AKT3: variants seen among roughly 807,000 people sequenced by gnomAD.
AKT3 encodes RAC-gamma serine/threonine-protein kinase.
A neutral mutation model predicts 65.3 loss-of-function variants in AKT3; 15 were observed. That is an observed-to-expected ratio of 0.23 (90% CI 0.15 to 0.35). The LOEUF is 0.35. Ranked by LOEUF, AKT3 falls within the 10% of genes least tolerant of loss-of-function variation. AKT3 has a pLI of 1.00. For missense variants in AKT3, 243 were observed against 576.5 expected (o/e 0.42, Z 5.92); for synonymous variants, 206 against 183.8 (o/e 1.12, Z -0.98).
At chr1:243,671,610 T>C (rs1171854161) in intron 3 of AKT3, among the ~76,000 whole-genome samples, 3 of 152,330 alleles carry the variant, frequency 2.0e-5, no homozygotes, top group African/African-American at 4.8e-5. Flanking sequence ...TTTAATCCAA[T>C]GAGCGGAAGG....
At chr1:243,694,042 T>G (rs998312059) in intron 3 of AKT3, among the ~76,000 whole-genome samples, 1 of 152,140 alleles carries the variant, frequency 6.6e-6, no homozygotes, top group Non-Finnish European at 1.5e-5. Flanking sequence ...GGAGCAGATG[T>G]TGGCAGACTG....
chr1:243,844,402 G>A (rs904593434), intron 1 of AKT3, among the ~76,000 whole-genome samples: 4 of 152,306 alleles, frequency 2.6e-5, no homozygotes, highest in African/African-American at 7.2e-5. Flanking sequence ...GGAAAGATAC[G>A]TCACAAATTT....
At chr1:243,638,089 T>C (rs562942113) in intron 5 of AKT3, among the ~76,000 whole-genome samples, 1 of 152,252 alleles carries the variant, frequency 6.6e-6, no homozygotes, top group Non-Finnish European at 1.5e-5. Flanking sequence ...CCAGAAAATG[T>C]GATAATCAAA....
At chr1:243,823,752 C>A (rs528978554) in intron 2 of AKT3, among the ~76,000 whole-genome samples, 5 of 150,808 alleles carry the variant, frequency 3.3e-5, no homozygotes, top group African/African-American at 1.2e-4. Context: ...TCAAGGAAAT[C>A]AGAGAGGACA....
rs555152982 is a variant in AKT3, at chr1:243,698,631, A to C, written c.47-2915T>G. Among the ~76,000 whole-genome samples the C allele has an allele frequency of 3.9e-5, 6 of 152,270 alleles. No homozygotes were observed. In the South Asian group the frequency reaches 1.2e-3, roughly 32 times the overall value. ...ATTATGCATCCTTCAAACGTAATAC[A>C]GTATACCAAGATAGTGATGTACTCA... On this transcript the variant is annotated intron_variant, in intron 2 of 13. Coordinates refer to ENST00000673466, the MANE Select transcript of AKT3 (RefSeq NM_005465.7).
At chr1:243,598,850 T>A (rs1432256115) in intron 8 of AKT3, among the ~76,000 whole-genome samples, 1 of 152,220 alleles carries the variant, frequency 6.6e-6, no homozygotes, top group African/African-American at 2.4e-5. Flanking sequence ...CATCTCCTTC[T>A]AGAAATCATG....
intron 2 of AKT3, among the ~76,000 whole-genome samples, chr1:243,786,922 G>T (rs1281079450): frequency 7.2e-5 from 11 of 151,810 alleles, no homozygotes; most frequent in Non-Finnish European, 2.9e-5. Context: ...ATTAAAGAAG[G>T]CAAAAAAAAG....
At chr1:243,585,308 C>T (rs1372164517) in intron 8 of AKT3, among the ~76,000 whole-genome samples, 1 of 151,954 alleles carries the variant, frequency 6.6e-6, no homozygotes, top group Non-Finnish European at 1.5e-5. Context: ...AGCCATATTT[C>T]CCTGCCCAAA....
intron 13 of AKT3, among the ~76,000 whole-genome samples, chr1:243,492,388 G>A (rs1471098085): frequency 8.2e-6 from 1 of 122,140 alleles, no homozygotes; most frequent in Admixed American, 1.1e-4. Context: ...TGCAACCTCC[G>A]CCTCCCGGCT....
At chr1:243,764,419 C>T (rs1689684865) in intron 2 of AKT3, among the ~76,000 whole-genome samples, 2 of 152,008 alleles carry the variant, frequency 1.3e-5, no homozygotes, top group South Asian at 4.1e-4. Context: ...CAATAGTAAT[C>T]TCAGTGAAAC....
chr1:243,546,522 T>C (rs1672688280), intron 11 of AKT3: 1 of 152,198 alleles, frequency 6.6e-6, no homozygotes, highest in Admixed American at 6.5e-5. Context: ...TGTTCATTAT[T>C]AGAAATGATA....
At chr1:243,657,550 T>A (rs1412702703) in intron 4 of AKT3, among the ~76,000 whole-genome samples, 1 of 152,154 alleles carries the variant, frequency 6.6e-6, no homozygotes, top group Admixed American at 6.5e-5. Context: ...AGGTTTAATA[T>A]TGTTAAGATG....
intron 3 of AKT3, among the ~76,000 whole-genome samples, chr1:243,677,534 A>G (rs531935769): frequency 6.6e-6 from 1 of 151,992 alleles, no homozygotes; most frequent in Non-Finnish European, 1.5e-5. Flanking sequence ...ATGAAAAAAT[A>G]TATTTTTCAA....
intron 11 of AKT3, among the ~76,000 whole-genome samples, chr1:243,551,602 T>C (rs890402599): frequency 1.1e-4 from 16 of 151,422 alleles, no homozygotes; most frequent in African/African-American, 2.7e-4. Context: ...GCATCAACCA[T>C]ACGTAAAACA....
chr1:243,592,670 C>G (rs1233138269), intron 8 of AKT3, among the ~76,000 whole-genome samples: 1 of 152,024 alleles, frequency 6.6e-6, no homozygotes, highest in Non-Finnish European at 1.5e-5. Flanking sequence ...AGAGAACTCA[C>G]CACCAGAGAC....
chr1:243,719,783 G>A (rs577833739), intron 2 of AKT3, among the ~76,000 whole-genome samples: 13 of 152,220 alleles, frequency 8.5e-5, no homozygotes, highest in Non-Finnish European at 7.4e-5. Flanking sequence ...GCCTAGAGGA[G>A]GCATGCGTTA....
intron 8 of AKT3, among the ~76,000 whole-genome samples, chr1:243,599,064 T>C (rs936900568): frequency 6.6e-6 from 1 of 152,160 alleles, no homozygotes; most frequent in African/African-American, 2.4e-5. Flanking sequence ...AGTTATCAGA[T>C]TGTACACTTT....
chr1:243,816,030 C>T (rs1693499228), intron 2 of AKT3, among the ~76,000 whole-genome samples: 1 of 152,126 alleles, frequency 6.6e-6, no homozygotes, highest in South Asian at 2.1e-4. Flanking sequence ...GGTGGTTCTG[C>T]ACCAGGGTCT....
chr1:243,533,663 C>T (rs1024322677), intron 12 of AKT3, among the ~76,000 whole-genome samples: 9 of 152,172 alleles, frequency 5.9e-5, no homozygotes, highest in African/African-American at 2.2e-4. Flanking sequence ...GGGATACACA[C>T]ACACACAAAG....
Sources: gnomAD v4.1 joint callset for allele counts (sites outside exome capture counted in the v4.1 genomes callset) on GRCh38, gnomAD v4.1.1 for gene constraint, MANE v1.5 for transcripts, NCBI Gene and HGNC (gene_info 2026-07-23, HGNC 2026-07-21) for gene names.